DNAJC10: variants seen among roughly 807,000 people sequenced by gnomAD.
DNAJC10 encodes the protein endoplasmic reticulum disulfide reductase DNAJC10.
A neutral mutation model predicts 115.0 loss-of-function variants in DNAJC10; 101 were observed. The ratio of observed to expected loss-of-function variants is 0.88; its 90% CI spans 0.75 to 1.04. The LOEUF is 1.04. DNAJC10 is among the 50% of genes least tolerant of loss of function. The pLI is 0.00. For missense variants in DNAJC10, 981 were observed against 928.8 expected (o/e 1.06, Z -0.73); for synonymous variants, 307 against 301.5 (o/e 1.02, Z -0.19).
intron 22 of DNAJC10, among the ~76,000 whole-genome samples, chr2:182,766,989 T>C (rs1694429294): frequency 6.6e-6 from 1 of 151,984 alleles, no homozygotes; most frequent in South Asian, 2.1e-4. Context: ...AAAAATATAC[T>C]CCTTATGCCC....
intron 14 of DNAJC10, among the ~76,000 whole-genome samples, chr2:182,751,104 G>GA (rs1159193285): frequency 2.0e-5 from 3 of 149,836 alleles, no homozygotes; most frequent in Non-Finnish European, 4.4e-5. Flanking sequence ...CTCTGAAGAT[G>GA]AGGGAACATT....
intron 2 of DNAJC10, among the ~76,000 whole-genome samples, chr2:182,717,490 C>T (rs1383879787): frequency 2.6e-5 from 4 of 152,100 alleles, no homozygotes; most frequent in Non-Finnish European, 4.4e-5. Context: ...AAGTAAAAAA[C>T]CCTATGTTTC....
At chr2:182,719,980 T>G (rs1693106566) in intron 3 of DNAJC10, 27 bp from the exon 4 acceptor site, 1 of 1,287,538 alleles carries the variant, frequency 7.8e-7, no homozygotes, top group South Asian at 1.3e-5. Flanking sequence ...CTGAAATAAT[T>G]GTATTATATC....
chr2:182,722,821 T>C (rs1342800304), intron 5 of DNAJC10, among the ~76,000 whole-genome samples: 3 of 151,948 alleles, frequency 2.0e-5, no homozygotes, highest in Non-Finnish European at 4.4e-5. Flanking sequence ...GCACCTGTAA[T>C]CCCAGCTACT....
chr2:182,756,676 C>CT lies in DNAJC10; in HGVS notation c.1809+218dup, dbSNP rs532963808. On this transcript the variant is annotated intron_variant, in intron 18 of 23. Transcript: ENST00000264065. ...TTTTGTGTGTATAGCATCTGGTACA[C>CT]TTTTTTTTTTTGGTCGGGTAGCAGG... Among the ~76,000 whole-genome samples, 220 of 146,584 alleles carry CT rather than the reference C, an allele frequency of 1.5e-3. 4 individuals are homozygous for CT. The East Asian group carries it at 0.032, about 21-fold the overall frequency.
Position 182,718,199 on chromosome 2 carries a change from G to A in DNAJC10, c.113G>A (p.Ser38Asn). The A allele has an allele frequency of 6.2e-7, 1 of 1,613,560 alleles. No homozygotes were observed. Among genetic ancestry groups the A allele is most frequent in the Non-Finnish European group, 8.5e-7 (1 of 1,179,822 alleles). The change falls in exon 3 of 24, where the codon AGT becomes AAT. Residue 38 changes from serine (S) to asparagine (N), a missense_variant. Transcript: ENST00000264065. ...ILVGTDQDFY[S>N]LLGVSKTASS... is the part of the protein sequence containing the mutation. ...GTGGGCACAGATCAGGATTTTTACAGTTTACTTGGAGTGTCCAAAACTGCA... is the reference window on the plus strand; with the variant it reads ...GTGGGCACAGATCAGGATTTTTACAATTTACTTGGAGTGTCCAAAACTGCA...
At chr2:182,724,957 C>CT (rs569795219) in intron 5 of DNAJC10, among the ~76,000 whole-genome samples, 247 of 152,164 alleles carry the variant, frequency 1.6e-3, no homozygotes, top group Middle Eastern at 3.4e-3. Flanking sequence ...AGATAATGCA[C>CT]TTTTTTTTCC....
At chr2:182,738,139 CTTAGT>C (rs921142373) in intron 11 of DNAJC10, among the ~76,000 whole-genome samples, 3 of 152,122 alleles carry the variant, frequency 2.0e-5, no homozygotes, top group African/African-American at 7.2e-5. Context: ...ATGTGACATA[CTTAGT>C]TTAATCAGTT....
chr2:182,769,415 TG>T (rs1184831466), intron 22 of DNAJC10, among the ~76,000 whole-genome samples: 2 of 152,224 alleles, frequency 1.3e-5, no homozygotes, highest in Non-Finnish European at 2.9e-5. Context: ...TCTTACACAA[TG>T]GTTGAACTAA....
intron 18 of DNAJC10, among the ~76,000 whole-genome samples, chr2:182,756,932 C>A (rs2105678981): frequency 6.6e-6 from 1 of 152,296 alleles, no homozygotes; most frequent in East Asian, 1.9e-4. Context: ...AGCCTCCGTG[C>A]CCAGTATATC....
At chr2:182,733,525 A>G (rs1363677958) in intron 10 of DNAJC10, among the ~76,000 whole-genome samples, 1 of 151,434 alleles carries the variant, frequency 6.6e-6, no homozygotes, top group Non-Finnish European at 1.5e-5. Flanking sequence ...TTTTTTTTTA[A>G]TATTTGGTGA....
chr2:182,788,101 G>A lies in DNAJC10; in HGVS notation c.*10969G>A, dbSNP rs1694982373. 6.6e-6 allele frequency: 1 copy of A among 152,600 alleles called. No homozygotes were observed. The highest frequency in any genetic ancestry group is 1.5e-5 in the Non-Finnish European group (1 of 68,286). The allele number at this position is 152,600 out of a possible 1,614,324, so 9.5% of individuals were successfully genotyped here. On this transcript the variant is annotated 3_prime_UTR_variant, in exon 24 of 24. Transcript: ENST00000264065. Reference sequence around the variant, plus strand: ...TTTCCAATTTGAGCCTCGCAGAGTGGTTCCTACAGAGAAGGGTGGCAAGAA... The same window carrying A: ...TTTCCAATTTGAGCCTCGCAGAGTGATTCCTACAGAGAAGGGTGGCAAGAA...
rs1226348462 is a variant in DNAJC10 at position 182,728,574 on chromosome 2, A to G, written c.419-2A>G. 6.2e-7 allele frequency: 1 copy of G among 1,602,820 alleles called. No individual in the cohort carries two copies. Among genetic ancestry groups the G allele is most frequent in the Admixed American group, 1.7e-5 (1 of 59,572 alleles). ...AGTTGTTTGCATTTTATGTATTTTT[A>G]GATGCTGCTGTTAATTCTGGAGAAC... On this transcript the variant is annotated splice_acceptor_variant, in intron 5 of 23. Coordinates refer to ENST00000264065, the MANE Select transcript of DNAJC10 (RefSeq NM_018981.4). LOFTEE classifies it high-confidence loss of function.
At chr2:182,768,974 C>A (rs1268934819) in intron 22 of DNAJC10, among the ~76,000 whole-genome samples, 6 of 152,112 alleles carry the variant, frequency 3.9e-5, no homozygotes, top group African/African-American at 9.7e-5. Context: ...ATCCCTCCCC[C>A]AGCCCTGAAC....
chr2:182,759,025 A>G, intron 20 of DNAJC10, 135 bp downstream of exon 20: 1 of 1,027,420 alleles, frequency 9.7e-7, no homozygotes, highest in African/African-American at 1.6e-5. Context: ...TATATTAACC[A>G]AGATAGTACT....
chr2:182,790,618 T>C lies in DNAJC10; in HGVS notation c.*13486T>C, dbSNP rs1695032115. 1.3e-5 allele frequency: 2 copies of C among 151,524 alleles called. No individual in the cohort carries two copies. The highest frequency in any genetic ancestry group is 4.2e-4 in the South Asian group (2 of 4,784). The allele number at this position is 151,524 out of a possible 1,614,324, so 9.4% of individuals were successfully genotyped here. On this transcript the variant is annotated 3_prime_UTR_variant, in exon 24 of 24. Transcript: ENST00000264065. Reference sequence around the variant, plus strand: ...CTGGCCAACATGGTGAAACGCCGTCTCTACTAAAAATACAAAAAAAAATGG... The same window carrying C: ...CTGGCCAACATGGTGAAACGCCGTCCCTACTAAAAATACAAAAAAAAATGG...
intron 10 of DNAJC10, among the ~76,000 whole-genome samples, chr2:182,733,174 T>C (rs1251223591): frequency 6.6e-6 from 1 of 152,048 alleles, no homozygotes; most frequent in Non-Finnish European, 1.5e-5. Flanking sequence ...TTGATTTATC[T>C]ATTTCTTATA....
intron 14 of DNAJC10, among the ~76,000 whole-genome samples, chr2:182,748,064 A>T (rs1693916702): frequency 6.9e-6 from 1 of 145,390 alleles, no homozygotes; most frequent in Admixed American, 6.8e-5. Context: ...CCAGCCTTGC[A>T]TCCCAGGGAT....
At chr2:182,732,475 C>G in intron 9 of DNAJC10, 24 bp from the exon 10 acceptor site, 1 of 1,612,868 alleles carries the variant, frequency 6.2e-7, no homozygotes, top group Non-Finnish European at 8.5e-7. Context: ...GTAAAACTGC[C>G]TCATAAGGTT....
Sources: gnomAD v4.1 joint callset for allele counts (sites outside exome capture counted in the v4.1 genomes callset) on GRCh38, gnomAD v4.1.1 for gene constraint, MANE v1.5 for transcripts, NCBI Gene and HGNC (gene_info 2026-07-23, HGNC 2026-07-21) for gene names.